Variants in CSMD1 observed in about 807,000 individuals in gnomAD.
The protein encoded by CSMD1 is CUB and Sushi multiple domains 1.
A neutral mutation model predicts 417.5 loss-of-function variants in CSMD1; 213 were observed. That is an observed-to-expected ratio of 0.51 (90% CI 0.46 to 0.57). CSMD1 has a LOEUF of 0.57. Among genes scored for constraint, CSMD1 ranks in the 20% least tolerant of loss-of-function variants. CSMD1 has a pLI of 0.00. For missense variants in CSMD1, 6,923 were observed against 4,529.7 expected (o/e 1.53, Z -15.17); for synonymous variants, 2,862 against 1,736.8 (o/e 1.65, Z -16.11).
At chr8:4,133,696 T>C (rs1453832133) in intron 3 of CSMD1, among the ~76,000 whole-genome samples, 1 of 80,938 alleles carries the variant, frequency 1.2e-5, no homozygotes, top group Non-Finnish European at 2.5e-5. Flanking sequence ...TTTTACACCA[T>C]AATACATAAA....
chr8:4,556,054 T>A (rs1476920322), intron 2 of CSMD1, among the ~76,000 whole-genome samples: 1 of 152,118 alleles, frequency 6.6e-6, no homozygotes, highest in African/African-American at 2.4e-5. Context: ...AATATAATTA[T>A]TTTAGTTTAA....
chr8:4,205,018 G>A (rs1361152195), intron 3 of CSMD1, among the ~76,000 whole-genome samples: 2 of 152,050 alleles, frequency 1.3e-5, no homozygotes, highest in Non-Finnish European at 2.9e-5. Context: ...TCTTTCTCAT[G>A]TATTCAAGCA....
chr8:4,032,723 C>G (rs756714818), intron 3 of CSMD1, among the ~76,000 whole-genome samples: 1 of 152,164 alleles, frequency 6.6e-6, no homozygotes, highest in Non-Finnish European at 1.5e-5. Context: ...GTGTCTGATT[C>G]AAAAGCAAGT....
rs78617196 is a variant in CSMD1, at chr8:4,574,902, A to G, written c.302+62440T>C. 2.8e-3 allele frequency among the ~76,000 whole-genome samples: 428 copies of G among 152,336 alleles called. 3 individuals are homozygous for G. Among genetic ancestry groups the G allele is most frequent in the African/African-American group, 9.6e-3 (400 of 41,590 alleles). On this transcript the variant is annotated intron_variant, in intron 2 of 69. Coordinates refer to ENST00000635120, the MANE Select transcript of CSMD1 (RefSeq NM_033225.6). ...TAGACTTTCTTTGTGAAAGAATAAC[A>G]TACACACATATAATTTTGTTTTAAT...
intron 1 of CSMD1, among the ~76,000 whole-genome samples, chr8:4,808,854 T>C (rs1457511691): frequency 1.3e-5 from 2 of 152,244 alleles, no homozygotes; most frequent in South Asian, 4.1e-4. Context: ...TATCTCTCCA[T>C]GTCTCTCCAA....
At chr8:3,391,592 A>G (rs1420823633) in intron 17 of CSMD1, among the ~76,000 whole-genome samples, 1 of 152,198 alleles carries the variant, frequency 6.6e-6, no homozygotes, top group African/African-American at 2.4e-5. Flanking sequence ...CCTAAGACTG[A>G]GTGCATGAAG....
At position 3,496,989 on chromosome 8, in the gene CSMD1, A is replaced by G. The variant is rs148093436; in HGVS notation, c.1345-3263T>C. On this transcript the variant is annotated intron_variant, in intron 10 of 69. Coordinates refer to ENST00000635120, the MANE Select transcript of CSMD1 (RefSeq NM_033225.6). ...TTATTTATTTCTAATTTTATCTGTT[A>G]CAGTCAAAAAATATACTTGATATGA... 3.7e-4 allele frequency among the ~76,000 whole-genome samples: 57 copies of G among 152,320 alleles called. 2 individuals are homozygous for G. The South Asian group carries it at 7.5e-3, about 20-fold the overall frequency.
intron 18 of CSMD1, among the ~76,000 whole-genome samples, chr8:3,385,598 T>C (rs1810958225): frequency 6.6e-6 from 1 of 152,158 alleles, no homozygotes; most frequent in East Asian, 1.9e-4. Context: ...TTCAAGGGAA[T>C]TTTATAAGAG....
At chr8:4,448,794 G>C (rs937299696) in intron 2 of CSMD1, among the ~76,000 whole-genome samples, 1 of 152,144 alleles carries the variant, frequency 6.6e-6, no homozygotes, top group Non-Finnish European at 1.5e-5. Context: ...GTCATCTGCA[G>C]AAGGAGACAG....
intron 1 of CSMD1, among the ~76,000 whole-genome samples, chr8:4,918,890 A>C (rs1401820815): frequency 6.6e-6 from 1 of 152,170 alleles, no homozygotes; most frequent in African/African-American, 2.4e-5. Flanking sequence ...ATGTAATTTT[A>C]AATAAGTGAG....
chr8:3,905,258 C>A (rs1359060655), intron 5 of CSMD1, among the ~76,000 whole-genome samples: 1 of 152,070 alleles, frequency 6.6e-6, no homozygotes, highest in African/African-American at 2.4e-5. Context: ...AGATTATATT[C>A]TTTCATACAA....
chr8:4,131,043 G>T (rs1285749022), intron 3 of CSMD1, among the ~76,000 whole-genome samples: 2 of 152,098 alleles, frequency 1.3e-5, no homozygotes, highest in Admixed American at 1.3e-4. Context: ...AGCGTGATTG[G>T]ATTTGTCCTA....
chr8:4,926,863 T>C (rs1455181503), intron 1 of CSMD1, among the ~76,000 whole-genome samples: 2 of 152,154 alleles, frequency 1.3e-5, no homozygotes, highest in Admixed American at 1.3e-4. Flanking sequence ...CAATGAACTT[T>C]AAGCTCTTTC....
chr8:4,965,717 T>A lies in CSMD1; in HGVS notation c.85+28615A>T, dbSNP rs138300283. On this transcript the variant is annotated intron_variant, in intron 1 of 69. Coordinates refer to ENST00000635120, the MANE Select transcript of CSMD1 (RefSeq NM_033225.6). ...GTTCAAATAAGATAATAAAATTGAATGCACATTTTAATTTTTAGAGTGAAA... is the reference window on the plus strand; with the variant it reads ...GTTCAAATAAGATAATAAAATTGAAAGCACATTTTAATTTTTAGAGTGAAA... 5.9e-3 allele frequency among the ~76,000 whole-genome samples: 893 copies of A among 152,300 alleles called. 7 individuals carry two copies. The highest frequency in any genetic ancestry group is 6.0e-3 in the Non-Finnish European group (409 of 68,018).
chr8:4,769,494 T>G (rs1048890536), intron 1 of CSMD1, among the ~76,000 whole-genome samples: 6 of 152,324 alleles, frequency 3.9e-5, no homozygotes, highest in Non-Finnish European at 8.8e-5. Flanking sequence ...ATATAACATT[T>G]GAAAAAAATT....
At chr8:3,585,317 A>G (rs2116994675) in intron 9 of CSMD1, among the ~76,000 whole-genome samples, 1 of 152,344 alleles carries the variant, frequency 6.6e-6, no homozygotes, top group African/African-American at 2.4e-5. Context: ...TCACGTGAAA[A>G]GACTATATGG....
In CSMD1 at chr8:3,310,923, G is replaced by C. The variant is rs114125013; in HGVS notation, c.3632-2420C>G. On this transcript the variant is annotated intron_variant, in intron 23 of 69. Transcript: ENST00000635120. ...TTTAAAAAGAGGTGGAATATTGCAC[G>C]TAATGCTTCTAAACTGAGCTTTGAA... 6.6e-5 allele frequency among the ~76,000 whole-genome samples: 10 copies of C among 152,288 alleles called. 1 individual carries two copies. In the South Asian group the frequency reaches 1.9e-3, roughly 28 times the overall value.
At chr8:4,115,973 TTTATTTATTTATTTATTTA>T (rs1802115555) in intron 3 of CSMD1, among the ~76,000 whole-genome samples, 1 of 10,620 alleles carries the variant, frequency 9.4e-5, no homozygotes, top group Non-Finnish European at 1.8e-4. Context: ...ATTTTATTTA[TTTATTTATTTATTTATTTA>T]TTTATTTATT....
chr8:4,070,350 A>G (rs953474502), intron 3 of CSMD1, among the ~76,000 whole-genome samples: 1 of 152,132 alleles, frequency 6.6e-6, no homozygotes, highest in Non-Finnish European at 1.5e-5. Flanking sequence ...TATATTAACC[A>G]AAATATTTAC....
Sources: allele counts gnomAD v4.1 joint callset (sites outside exome capture counted in the v4.1 genomes callset), GRCh38; gene constraint gnomAD v4.1.1; transcripts MANE v1.5; gene names NCBI Gene and HGNC (gene_info 2026-07-23, HGNC 2026-07-21).